WHRN: variants seen among roughly 807,000 people sequenced by gnomAD.
WHRN encodes the protein whirlin, also known as CASK-interacting protein CIP98.
WHRN carries 41 observed loss-of-function variants against 68.3 expected under a neutral mutation model. The ratio of observed to expected loss-of-function variants is 0.60; its 90% CI spans 0.47 to 0.78. The LOEUF is 0.78. Ranked by LOEUF, WHRN falls within the 30% of genes least tolerant of loss-of-function variation. The probability of loss-of-function intolerance (pLI) is 0.00; values close to 1 mark genes in which losing one functional copy is unlikely to be tolerated. For missense variants in WHRN, 1,243 were observed against 1,244.7 expected (o/e 1.00, Z 0.02); for synonymous variants, 560 against 561.3 (o/e 1.00, Z 0.03).
At chr9:114,406,251 C>A (rs1003158260) in intron 9 of WHRN, 104 bp downstream of exon 9, 118 of 1,538,108 alleles carry the variant, frequency 7.7e-5, no homozygotes, top group Non-Finnish European at 2.0e-5. Flanking sequence ...CCTGAGCCCC[C>A]TCAACAAGTA....
At chr9:114,465,060 T>C (rs1361157378) in intron 3 of WHRN, among the ~76,000 whole-genome samples, 2 of 152,144 alleles carry the variant, frequency 1.3e-5, no homozygotes, top group Non-Finnish European at 2.9e-5. Flanking sequence ...GTGGAGGGAC[T>C]CTCCAAGATC....
intron 1 of WHRN, among the ~76,000 whole-genome samples, chr9:114,480,439 A>T (rs184709639): frequency 5.9e-5 from 9 of 151,980 alleles, no homozygotes; most frequent in African/African-American, 2.2e-4. Flanking sequence ...AGATGAGGCC[A>T]TGAGGGTAGG....
At chr9:114,499,199 T>C (rs747020447) in intron 1 of WHRN, among the ~76,000 whole-genome samples, 11 of 152,182 alleles carry the variant, frequency 7.2e-5, no homozygotes, top group Non-Finnish European at 1.5e-4. Context: ...ACATCAGGAA[T>C]GCACGGAAAA....
chr9:114,404,472 T>C (rs2132194267), intron 9 of WHRN, among the ~76,000 whole-genome samples: 1 of 152,356 alleles, frequency 6.6e-6, no homozygotes, highest in South Asian at 2.1e-4. Flanking sequence ...AATTAGAAGA[T>C]TTCATATAAG....
intron 1 of WHRN, among the ~76,000 whole-genome samples, chr9:114,499,814 G>A (rs1001061511): frequency 1.3e-5 from 2 of 152,196 alleles, no homozygotes; most frequent in African/African-American, 4.8e-5. Flanking sequence ...ACTTATCTTT[G>A]CAGCTCCAAC....
chr9:114,423,590 T>C, intron 6 of WHRN, 67 bp from the exon 7 acceptor site: 1 of 1,477,490 alleles, frequency 6.8e-7, no homozygotes, highest in South Asian at 1.3e-5. Flanking sequence ...GGGGCCCTGC[T>C]ACCCCCAAAG....
intron 1 of WHRN, among the ~76,000 whole-genome samples, chr9:114,486,198 CGT>C (rs1291134798): frequency 2.6e-5 from 4 of 152,254 alleles, no homozygotes; most frequent in African/African-American, 7.2e-5. Flanking sequence ...GACACAAACA[CGT>C]GTCCCCCAAC....
At chr9:114,440,193 G>T (rs562559141) in intron 3 of WHRN, among the ~76,000 whole-genome samples, 2 of 152,212 alleles carry the variant, frequency 1.3e-5, no homozygotes, top group Admixed American at 1.3e-4. Context: ...GATTACAGCC[G>T]TGAGCCACTG....
intron 2 of WHRN, among the ~76,000 whole-genome samples, chr9:114,473,034 GCCTGAGCCGAAGGGCAGGTC>G (rs919929578): frequency 4.6e-5 from 7 of 152,220 alleles, no homozygotes; most frequent in Non-Finnish European, 1.0e-4. Flanking sequence ...GCTTGTAGCA[GCCTGAGCCGAAGGGCAGGTC>G]CCATCTTGTT....
At chr9:114,469,352 C>T (rs998510264) in intron 2 of WHRN, among the ~76,000 whole-genome samples, 2 of 152,202 alleles carry the variant, frequency 1.3e-5, no homozygotes, top group East Asian at 1.9e-4. Flanking sequence ...TGCTGGGTCA[C>T]TCCAGAAGCT....
Position 114,406,360 on chromosome 9 carries a change from G to T in WHRN, c.2231C>A (p.Thr744Lys), listed in dbSNP as rs751846994. 1 of 1,614,108 alleles carries T rather than the reference G, an allele frequency of 6.2e-7. No homozygotes were observed. Among genetic ancestry groups the T allele is most frequent in the Non-Finnish European group, 8.5e-7 (1 of 1,180,050 alleles). ...CCTGGCCTTGCTGTACTCACTGCGCGTCTGGGGCAGCGCCCTCACTTCATT... is the reference window on the plus strand; with the variant it reads ...CCTGGCCTTGCTGTACTCACTGCGCTTCTGGGGCAGCGCCCTCACTTCATT... ...DVNEVRALPQ[T>K]RTASTLSQLS... Residue 744 changes from threonine to lysine, a missense_variant, in exon 9 of 12, where the codon ACG (threonine) becomes AAG (lysine). Transcript: ENST00000362057.
chr9:114,455,166 A>G (rs1197468996), intron 3 of WHRN, among the ~76,000 whole-genome samples: 2 of 65,226 alleles, frequency 3.1e-5, no homozygotes, highest in African/African-American at 5.2e-5. Flanking sequence ...TAAAAGATTG[A>G]CAAAATAGAC....
At chr9:114,424,931 C>A (rs1304088045) in intron 5 of WHRN, 57 bp downstream of exon 5, 7 of 1,589,450 alleles carry the variant, frequency 4.4e-6, no homozygotes, top group Non-Finnish European at 6.0e-6. Flanking sequence ...GCTGGCCAGA[C>A]CTCCTCACTC....
intron 1 of WHRN, among the ~76,000 whole-genome samples, chr9:114,496,514 A>C (rs1241902013): frequency 1.3e-5 from 2 of 152,294 alleles, no homozygotes; most frequent in East Asian, 3.9e-4. Flanking sequence ...TTCCAATGCC[A>C]CCTAAAAAAA....
At chr9:114,492,569 T>C (rs984968856) in intron 1 of WHRN, among the ~76,000 whole-genome samples, 6 of 152,244 alleles carry the variant, frequency 3.9e-5, no homozygotes, top group African/African-American at 7.2e-5. Context: ...TACAAATGCA[T>C]ACACAGATGC....
At chr9:114,446,513 C>T (rs1177198559) in intron 3 of WHRN, among the ~76,000 whole-genome samples, 1 of 152,092 alleles carries the variant, frequency 6.6e-6, no homozygotes, top group East Asian at 1.9e-4. Flanking sequence ...AATTGTATCT[C>T]AAAAAACAAA....
At chr9:114,499,769 G>C (rs896562175) in intron 1 of WHRN, among the ~76,000 whole-genome samples, 2 of 152,202 alleles carry the variant, frequency 1.3e-5, no homozygotes, top group Admixed American at 1.3e-4. Flanking sequence ...AGCAACACAC[G>C]GACAATCCAA....
intron 3 of WHRN, among the ~76,000 whole-genome samples, chr9:114,439,392 C>T (rs983781665): frequency 6.6e-6 from 1 of 152,164 alleles, no homozygotes; most frequent in Non-Finnish European, 1.5e-5. Flanking sequence ...AAATAAACTG[C>T]AAACAAATCA....
chr9:114,478,526 C>T (rs774498008), intron 2 of WHRN, 27 bp downstream of exon 2: 3 of 1,612,496 alleles, frequency 1.9e-6, no homozygotes, highest in East Asian at 4.5e-5. Context: ...GTCTGAGAGG[C>T]TGGCCTCCTT....
Sources: allele counts gnomAD v4.1 joint callset (sites outside exome capture counted in the v4.1 genomes callset), GRCh38; gene constraint gnomAD v4.1.1; transcripts MANE v1.5; gene names NCBI Gene and HGNC (gene_info 2026-07-23, HGNC 2026-07-21).